The following SLTM variants were observed in gnomAD, a reference collection of about 807,000 sequenced individuals.
SLTM encodes the protein SAFB-like transcription modulator.
Under a neutral mutation model 134.6 loss-of-function variants are expected in SLTM, and 43 were observed. The ratio of observed to expected loss-of-function variants is 0.32; its 90% CI spans 0.25 to 0.41. SLTM has a LOEUF of 0.41. Ranked by LOEUF, SLTM falls within the 10% of genes least tolerant of loss-of-function variation. The pLI is 1.00. For synonymous variants in SLTM, 424 were observed against 432.3 expected (o/e 0.98, Z 0.24); for missense variants, 1,055 against 1,288.8 (o/e 0.82, Z 2.78).
At chr15:58,905,905 C>T (rs2035835987) in intron 5 of SLTM, among the ~76,000 whole-genome samples, 1 of 152,138 alleles carries the variant, frequency 6.6e-6, no homozygotes, top group Admixed American at 6.5e-5. Context: ...TAAAGGCAAA[C>T]TTTATGACAT....
rs772772415 is a variant in SLTM, at chr15:58,893,883, T to C, written c.1586A>G (p.Asp529Gly). 7 of 1,613,410 alleles carry C rather than the reference T, an allele frequency of 4.3e-6. 1 individual carries two copies. The South Asian group carries it at 7.7e-5, about 18-fold the overall frequency. Residue 529 changes from aspartate (D) to glycine (G), a missense_variant, in exon 12 of 21, where the codon GAT becomes GGT. Asp to Gly is a moderately conservative substitution (Grantham distance 94, BLOSUM62 -1). This residue lies in a region of SLTM where 776 missense variants were observed against 962.2 expected (regional missense o/e 0.81). Coordinates refer to ENST00000380516, the MANE Select transcript of SLTM (RefSeq NM_024755.4). Reference sequence around the variant, plus strand: ...TGATGTTTGGCCACTTGCTCCATTATCATTCTTCTCATCTTTACCTTCTAT... The same window carrying C: ...TGATGTTTGGCCACTTGCTCCATTACCATTCTTCTCATCTTTACCTTCTAT... ...KKIEGKDEKN[D>G]NGASGQTSES... is the part of the protein sequence containing the mutation.
chr15:58,922,290 T>C (rs1245706267), intron 2 of SLTM, among the ~76,000 whole-genome samples: 3 of 143,084 alleles, frequency 2.1e-5, no homozygotes, highest in Admixed American at 7.7e-5. Context: ...GGCAGAAGAA[T>C]TGCTTGAACC....
Position 58,883,688 on chromosome 15 carries a change from A to G in SLTM, c.2934T>C (p.Tyr978=), listed in dbSNP as rs1269845245. The G allele has an allele frequency of 3.1e-6, 5 of 1,614,102 alleles. No homozygotes were observed. Among genetic ancestry groups the G allele is most frequent in the Non-Finnish European group, 4.2e-6 (5 of 1,180,020 alleles). The change falls in exon 20 of 21, where the codon TAT becomes TAC. Residue 978 remains tyrosine (Y), a synonymous_variant. Coordinates refer to ENST00000380516, the MANE Select transcript of SLTM (RefSeq NM_024755.4). ...WHGPPSQGPS[Y]HDTRRMGDGR... ...CGTCACCCATTCGCCTCGTATCATG[A>G]TAGCTAGGCCCTTGAGAGGGTGGAC...
intron 2 of SLTM, among the ~76,000 whole-genome samples, chr15:58,926,362 A>G (rs1214807951): frequency 1.3e-5 from 2 of 152,062 alleles, no homozygotes; most frequent in African/African-American, 4.8e-5. Context: ...GGGGGAAAAA[A>G]CCTTTAAACA....
intron 2 of SLTM, among the ~76,000 whole-genome samples, chr15:58,925,029 G>GT (rs1195866246): frequency 7.1e-6 from 1 of 140,380 alleles, no homozygotes; most frequent in Non-Finnish European, 1.5e-5. Context: ...TTATGGCTGA[G>GT]TAACTTTTCC....
intron 4 of SLTM, 34 bp from the exon 5 acceptor site, chr15:58,912,644 T>A (rs775495832): frequency 6.4e-7 from 1 of 1,555,168 alleles, no homozygotes. Flanking sequence ...CTTTGCTTTA[T>A]AAAATATCGG....
chr15:58,890,555 A>G (rs2034571285), intron 14 of SLTM, 94 bp from the exon 15 acceptor site: 2 of 1,310,496 alleles, frequency 1.5e-6, no homozygotes, highest in African/African-American at 3.0e-5. Context: ...GAGGTTGGCA[A>G]TTTTAAATTT....
chr15:58,906,605 C>T (rs934415092), intron 5 of SLTM, among the ~76,000 whole-genome samples: 1 of 152,202 alleles, frequency 6.6e-6, no homozygotes, highest in Non-Finnish European at 1.5e-5. Context: ...AGCAAGAAGA[C>T]CTCCTTTCCC....
chr15:58,893,727 TTATA>T, intron 12 of SLTM, 90 bp downstream of exon 12: 1 of 1,353,066 alleles, frequency 7.4e-7, no homozygotes, highest in South Asian at 1.5e-5. Context: ...ACAACAAAGC[TTATA>T]TCTGGATTAG....
chr15:58,888,844 G>T, intron 16 of SLTM: 1 of 248,548 alleles, frequency 4.0e-6, no homozygotes, highest in Admixed American at 5.2e-5. Flanking sequence ...ACCATTAAAT[G>T]GAAAAGACAA....
At chr15:58,894,624 C>T (rs745568122) in intron 9 of SLTM, 42 bp from the exon 10 acceptor site, 33 of 1,587,296 alleles carry the variant, frequency 2.1e-5, no homozygotes, top group Non-Finnish European at 2.8e-5. Flanking sequence ...TACAACGTTC[C>T]AAGTACACAG....
intron 2 of SLTM, among the ~76,000 whole-genome samples, chr15:58,929,665 A>G (rs74428900): frequency 0.014 from 2,169 of 152,134 alleles, 52 homozygotes; most frequent in African/African-American, 0.049. Context: ...GACTCAAGCG[A>G]TCCTCCCACC....
At chr15:58,911,028 GCCAC>G (rs2036234697) in intron 5 of SLTM, among the ~76,000 whole-genome samples, 1 of 152,070 alleles carries the variant, frequency 6.6e-6, no homozygotes, top group Non-Finnish European at 1.5e-5. Context: ...ACAGGTGTGA[GCCAC>G]CATGCCTGGC....
rs2034910334 is a variant in SLTM, at chr15:58,894,417, A to C, written c.1377+16T>G. On this transcript the variant is annotated intron_variant, in intron 10 of 20. Coordinates refer to ENST00000380516, the MANE Select transcript of SLTM (RefSeq NM_024755.4). ...TCAAATTAGACTTGCTTTGATAAAC[A>C]GTTAGGGAAGCTTACTTTTTCAACA... 2 of 1,613,946 alleles carry C rather than the reference A, an allele frequency of 1.2e-6. No individual in the cohort carries two copies. Among genetic ancestry groups the C allele is most frequent in the Non-Finnish European group, 1.7e-6 (2 of 1,179,858 alleles).
At chr15:58,885,713 G>A (rs2140944438) in intron 19 of SLTM, among the ~76,000 whole-genome samples, 1 of 152,212 alleles carries the variant, frequency 6.6e-6, no homozygotes, top group Non-Finnish European at 1.5e-5. Flanking sequence ...GAACCTGGGA[G>A]GCGGAGGTTG....
intron 5 of SLTM, among the ~76,000 whole-genome samples, chr15:58,910,450 T>G (rs1169473559): frequency 1.3e-5 from 2 of 152,242 alleles, no homozygotes; most frequent in Non-Finnish European, 2.9e-5. Flanking sequence ...CCTCATCTTT[T>G]GATACAATAT....
At chr15:58,893,479 CTACT>C (rs1426881931) in intron 12 of SLTM, 115 bp from the exon 13 acceptor site, 2 of 700,624 alleles carry the variant, frequency 2.9e-6, no homozygotes, top group Non-Finnish European at 2.3e-6. Flanking sequence ...AATAAAAAAA[CTACT>C]TATTCTACAA....
In SLTM at chr15:58,894,518, G is replaced by A. The variant is rs1394797464; in HGVS notation, c.1292C>T (p.Thr431Ile). 1 of 1,614,096 alleles carries A rather than the reference G, an allele frequency of 6.2e-7. No individual in the cohort carries two copies. Among genetic ancestry groups the A allele is most frequent in the Non-Finnish European group, 8.5e-7 (1 of 1,179,996 alleles). Residue 431 changes from threonine (T) to isoleucine (I), a missense_variant, in exon 10 of 21, where the codon ACT becomes ATT. Physicochemically the swap from Thr to Ile is moderately conservative, Grantham distance 89. This residue lies in a region of SLTM where 776 missense variants were observed against 962.2 expected (regional missense o/e 0.81). Transcript: ENST00000380516. ...GGACACCTCTGTGCTTGAAGACATAGTTACAATGCCATAGCATTTTGCCCC... is the reference window on the plus strand; with the variant it reads ...GGACACCTCTGTGCTTGAAGACATAATTACAATGCCATAGCATTTTGCCCC... ...SPGAKCYGIV[T>I]MSSSTEVSRC...
intron 4 of SLTM, among the ~76,000 whole-genome samples, 171 bp downstream of exon 4, chr15:58,913,328 A>G (rs1409825559): frequency 2.0e-5 from 3 of 152,142 alleles, no homozygotes; most frequent in Non-Finnish European, 2.9e-5. Flanking sequence ...GAAATAAGCA[A>G]AAATTTAAAA....
Sources: allele counts gnomAD v4.1 joint callset (sites outside exome capture counted in the v4.1 genomes callset), GRCh38; gene constraint gnomAD v4.1.1; regional missense constraint gnomAD v4.1.1; transcripts MANE v1.5; gene names NCBI Gene and HGNC (gene_info 2026-07-23, HGNC 2026-07-21).